GGT1: variants seen among roughly 807,000 people sequenced by gnomAD.
GGT1 encodes the protein glutathione hydrolase 1 proenzyme.
Under a neutral mutation model 56.0 loss-of-function variants are expected in GGT1, and 21 were observed. That is an observed-to-expected ratio of 0.38 (90% CI 0.27 to 0.54). GGT1 has a LOEUF of 0.54. Among genes scored for constraint, GGT1 ranks in the 20% least tolerant of loss-of-function variants. The pLI is 0.82. For synonymous variants in GGT1, 238 were observed against 342.6 expected (o/e 0.69, Z 3.37); for missense variants, 466 against 787.0 (o/e 0.59, Z 4.88).
Position 24,605,081 on chromosome 22 carries a change from A to ATATGT in GGT1, c.-429+1554_-429+1555insTATGT, listed in dbSNP as rs2045966193. Among the ~76,000 whole-genome samples the ATATGT allele has an allele frequency of 6.0e-5, 2 of 33,530 alleles. 1 individual carries two copies. The highest frequency in any genetic ancestry group is 4.3e-4 in the African/African-American group (2 of 4,640). 22.0% of individuals were successfully genotyped at this position (33,530 alleles called of 152,430 possible). ...TATTATATGTAATATATAATATATA[A>ATATGT]AGTATATTATATAATATGTATTATA... On this transcript the variant is annotated intron_variant, in intron 1 of 15. Transcript: ENST00000400382.
chr22:24,612,942 C>G (rs2046814492), intron 5 of GGT1, among the ~76,000 whole-genome samples: 1 of 152,160 alleles, frequency 6.6e-6, no homozygotes, highest in Admixed American at 6.5e-5. Flanking sequence ...CTTCCCGCCT[C>G]AGCTTCCTAA....
chr22:24,607,352 G>T (rs2046383618), intron 1 of GGT1, among the ~76,000 whole-genome samples: 1 of 152,192 alleles, frequency 6.6e-6, no homozygotes, highest in South Asian at 2.1e-4. Context: ...CCATCTCTGG[G>T]ACACTGGCTG....
upstream of GGT1, chr22:24,592,276 G>T: frequency 2.1e-6 from 1 of 466,714 alleles, no homozygotes. Context: ...CAGATGCTGG[G>T]GATGTGTACT....
rs1317016154 is a variant in GGT1 at position 24,605,464 on chromosome 22, TATA to T, written c.-429+1941_-429+1943del. 5.5e-4 allele frequency among the ~76,000 whole-genome samples: 43 copies of T among 77,510 alleles called. 9 individuals carry two copies. In the East Asian group the frequency reaches 0.012, roughly 21 times the overall value. 50.8% of individuals were successfully genotyped at this position (77,510 alleles called of 152,430 possible). A position where few individuals can be genotyped will look rare whatever the true frequency, so the allele number is the denominator to read the frequency against. On this transcript the variant is annotated intron_variant, in intron 1 of 15. Coordinates refer to ENST00000400382, the MANE Select transcript of GGT1 (RefSeq NM_001288833.2). The stretch of plus-strand genomic sequence containing the variant: ...AATATATAATGTGTATTATATATAA[TATA>T]ATATTATATAATGTGTATTATATAT...
Position 24,623,047 on chromosome 22 carries a change from T to C in GGT1, c.734-60T>C, listed in dbSNP as rs6004205. 6 of 1,608,418 alleles carry C rather than the reference T, an allele frequency of 3.7e-6. No individual in the cohort carries two copies. The African/African-American group carries it at 5.3e-5, about 14-fold the overall frequency. ...CCCCAACACCACTGCTGCAGCTCCA[T>C]CCTCCACGCAGTGGTGCAGCCCCAT... is the stretch of plus-strand genomic sequence containing the variant. On this transcript the variant is annotated intron_variant, in intron 9 of 15. Transcript: ENST00000400382.
intron 7 of GGT1, among the ~76,000 whole-genome samples, chr22:24,619,745 A>G (rs3865657): frequency 1.3e-5 from 2 of 151,676 alleles, no homozygotes; most frequent in Non-Finnish European, 2.9e-5. Context: ...ACCTCGGTCA[A>G]GGTGGGATCT....
chr22:24,625,691 G>T (rs372460059), intron 11 of GGT1, among the ~76,000 whole-genome samples: 13 of 151,062 alleles, frequency 8.6e-5, no homozygotes, highest in African/African-American at 2.7e-4. Flanking sequence ...ACAGGCGCCC[G>T]CCACACCGCC....
upstream of GGT1, among the ~76,000 whole-genome samples, chr22:24,601,185 G>T (rs941192525): frequency 5.3e-5 from 8 of 152,256 alleles, no homozygotes; most frequent in Admixed American, 3.9e-4. Context: ...TGGAGTATGG[G>T]CCAGGCACCG....
Position 24,627,513 on chromosome 22 carries a change from T to C in GGT1, c.1102T>C (p.Tyr368His). The C allele has an allele frequency of 6.3e-7, 1 of 1,583,772 alleles. No individual in the cohort carries two copies. Among genetic ancestry groups the C allele is most frequent in the Non-Finnish European group, 8.6e-7 (1 of 1,169,002 alleles). The change falls in exon 12 of 16, where the codon TAC becomes CAC. Residue 368 changes from tyrosine (Y) to histidine (H), a missense_variant. Transcript: ENST00000400382. ...TGACGACACCACTCACCCGATCTCC[T>C]ACTACAAGCCCGAGTTCTACACGCC... ...ISDDTTHPIS[Y>H]YKPEFYTPDD...
intron 5 of GGT1, among the ~76,000 whole-genome samples, chr22:24,612,244 C>CTTTTTTTTTTT (rs796939700): frequency 2.7e-5 from 2 of 75,384 alleles, no homozygotes; most frequent in Non-Finnish European, 6.0e-5. Flanking sequence ...CCGGCTTATT[C>CTTTTTTTTTTT]TTTTTTTTTT....
chr22:24,600,451 A>T (rs2045764378), upstream of GGT1, among the ~76,000 whole-genome samples: 1 of 152,244 alleles, frequency 6.6e-6, no homozygotes, highest in South Asian at 2.1e-4. Flanking sequence ...TGTTCCATCA[A>T]GTGCCAGGCC....
intron 5 of GGT1, among the ~76,000 whole-genome samples, chr22:24,611,943 A>G (rs2046732972): frequency 6.6e-6 from 1 of 152,124 alleles, no homozygotes; most frequent in Non-Finnish European, 1.5e-5. Context: ...AGTAGCTGAG[A>G]CTACAGGCAT....
At chr22:24,602,463 C>T (rs1303800907), upstream of GGT1, among the ~76,000 whole-genome samples, 2 of 152,208 alleles carry the variant, frequency 1.3e-5, no homozygotes, top group African/African-American at 4.8e-5. Flanking sequence ...GGCTGCAGAC[C>T]ATGTGTGGAC....
rs1338422726 is a variant in GGT1, at chr22:24,625,765, G to A, written c.1021-1667G>A. The stretch of plus-strand genomic sequence containing the variant: ...ACCGTGATCGCGATCTCCTGACCTC[G>A]TGATCCGCCTGCCTCGGCCTCCCAA... On this transcript the variant is annotated intron_variant, in intron 11 of 15. Transcript: ENST00000400382. Among the ~76,000 whole-genome samples the A allele has an allele frequency of 4.6e-5, 7 of 151,028 alleles. No homozygotes were observed. In the East Asian group the frequency reaches 7.9e-4, roughly 17 times the overall value.
the GGT1 span, chr22:24,588,718 C>T: frequency 8.4e-6 from 9 of 1,067,184 alleles, no homozygotes; most frequent in Non-Finnish European, 1.0e-5. Flanking sequence ...TCGAGGGAGC[C>T]GTGCTCCACT....
Position 24,615,030 on chromosome 22 carries a change from T to G in GGT1, c.296-11T>G. ...GGGTGGGCGGGCCTGCCTACCTGCTTCTCCTTCTAGGAAAAGCTGAGGTCA... is the reference window on the plus strand; with the variant it reads ...GGGTGGGCGGGCCTGCCTACCTGCTGCTCCTTCTAGGAAAAGCTGAGGTCA... On this transcript the variant is annotated splice_polypyrimidine_tract_variant and intron_variant, in intron 6 of 15. Coordinates refer to ENST00000400382, the MANE Select transcript of GGT1 (RefSeq NM_001288833.2). 1 of 1,610,844 alleles carries G rather than the reference T, an allele frequency of 6.2e-7. No homozygotes were observed. Among genetic ancestry groups the G allele is most frequent in the Non-Finnish European group, 8.5e-7 (1 of 1,178,636 alleles).
intron 1 of GGT1, among the ~76,000 whole-genome samples, chr22:24,604,293 C>T (rs1478638194): frequency 3.3e-5 from 5 of 152,178 alleles, no homozygotes; most frequent in Non-Finnish European, 7.3e-5. Flanking sequence ...AGTTTCCTGC[C>T]TGTGAATGGG....
intron 2 of GGT1, among the ~76,000 whole-genome samples, chr22:24,608,298 A>G (rs1439754263): frequency 7.2e-5 from 11 of 152,130 alleles, no homozygotes. Flanking sequence ...CTGCCCTGGG[A>G]GGAAGGGACA....
upstream of GGT1, chr22:24,592,812 C>A: frequency 7.9e-7 from 1 of 1,266,120 alleles, no homozygotes; most frequent in South Asian, 2.2e-5. Context: ...CCCCCAGACC[C>A]CCAGACCCTC....
Sources: allele counts gnomAD v4.1 joint callset (sites outside exome capture counted in the v4.1 genomes callset), GRCh38; gene constraint gnomAD v4.1.1; transcripts MANE v1.5; gene names NCBI Gene and HGNC (gene_info 2026-07-23, HGNC 2026-07-21).